The following STK3 variants were observed in gnomAD, a reference collection of about 807,000 sequenced individuals.
STK3 encodes serine/threonine-protein kinase 3.
STK3 carries 41 observed loss-of-function variants against 58.0 expected under a neutral mutation model. That is an observed-to-expected ratio of 0.71 (90% CI 0.55 to 0.92). STK3 has a LOEUF of 0.92. STK3 is among the 40% of genes least tolerant of loss of function. The pLI is 0.00. For missense variants in STK3, 479 were observed against 602.7 expected, an observed-to-expected ratio of 0.79 and a Z score of 2.15; for synonymous variants, 170 against 191.0, an observed-to-expected ratio of 0.89 and a Z score of 0.91.
intron 3 of STK3, among the ~76,000 whole-genome samples, chr8:98,763,668 CTTTTTCTTTTT>C (rs945433062): frequency 4.6e-5 from 7 of 151,304 alleles, no homozygotes; most frequent in African/African-American, 7.3e-5. Flanking sequence ...AATTGTTTTT[CTTTTTCTTTTT>C]TTTTTCTTTT....
At chr8:98,664,949 A>G (rs1822228968) in intron 6 of STK3, among the ~76,000 whole-genome samples, 1 of 152,150 alleles carries the variant, frequency 6.6e-6, no homozygotes, top group Non-Finnish European at 1.5e-5. Flanking sequence ...TTTAACTAAA[A>G]ACAGTCTTAG....
intron 6 of STK3, among the ~76,000 whole-genome samples, chr8:98,681,689 T>C (rs1823655811): frequency 6.6e-6 from 1 of 152,200 alleles, no homozygotes; most frequent in South Asian, 2.1e-4. Context: ...ATATAACTAT[T>C]TTACAGTAAA....
intron 6 of STK3, among the ~76,000 whole-genome samples, chr8:98,601,012 T>C (rs1816300806): frequency 6.6e-6 from 1 of 152,164 alleles, no homozygotes; most frequent in East Asian, 1.9e-4. Flanking sequence ...AATTTATTTT[T>C]ACTATGATGG....
In STK3 at chr8:98,442,694, C is replaced by T. The variant is rs1160090827; in HGVS notation, n.186-5486G>A. Among the ~76,000 whole-genome samples the T allele has an allele frequency of 4.6e-5, 7 of 152,130 alleles. No homozygotes were observed. The East Asian group carries it at 1.3e-3, about 29-fold the overall frequency. The stretch of plus-strand genomic sequence containing the variant: ...TGGTAGCTGTTGGTCTGTCATTCAC[C>T]CTTGATTTTTGCATTGTAATTGCAC... On this transcript the variant is annotated intron_variant and non_coding_transcript_variant, in intron 1 of 3. Transcript: ENST00000517832.
chr8:98,927,091 T>C (rs1460017278), intron 1 of STK3, among the ~76,000 whole-genome samples: 3 of 152,192 alleles, frequency 2.0e-5, no homozygotes, highest in Non-Finnish European at 4.4e-5. Context: ...GATATCTAGA[T>C]GGGCGCAGTT....
chr8:98,578,341 A>C (rs1239872412), intron 8 of STK3, among the ~76,000 whole-genome samples: 1 of 152,238 alleles, frequency 6.6e-6, no homozygotes, highest in Non-Finnish European at 1.5e-5. Context: ...CACTATTTAA[A>C]ATTCTAAGTA....
At chr8:98,620,471 AAAATAAAT>A (rs890531582) in intron 6 of STK3, among the ~76,000 whole-genome samples, 22 of 148,198 alleles carry the variant, frequency 1.5e-4, no homozygotes, top group South Asian at 4.2e-4. Flanking sequence ...TATAATAAAA[AAAATAAAT>A]AAATAAATAA....
At chr8:98,909,586 C>G (rs1234766906) in intron 1 of STK3, among the ~76,000 whole-genome samples, 1 of 152,234 alleles carries the variant, frequency 6.6e-6, no homozygotes, top group Non-Finnish European at 1.5e-5. Flanking sequence ...TCTGGACTTT[C>G]ATACAAATTG....
At chr8:98,930,715 G>C (rs1322309485) in intron 1 of STK3, among the ~76,000 whole-genome samples, 1 of 152,130 alleles carries the variant, frequency 6.6e-6, no homozygotes, top group Non-Finnish European at 1.5e-5. Flanking sequence ...TCTGGCAGCC[G>C]GTTCACTGTT....
At chr8:98,459,388 A>G (rs368702624) in intron 10 of STK3, among the ~76,000 whole-genome samples, 44 of 152,334 alleles carry the variant, frequency 2.9e-4, no homozygotes, top group African/African-American at 9.6e-4. Flanking sequence ...TCACAAATAG[A>G]TGGTTTGAAA....
chr8:98,497,970 A>C (rs754202084), intron 10 of STK3, among the ~76,000 whole-genome samples: 3 of 152,184 alleles, frequency 2.0e-5, no homozygotes, highest in Non-Finnish European at 4.4e-5. Context: ...GTCCACACAA[A>C]AACTTGTACA....
chr8:98,443,913 G>A (rs1205033283), intron 1 of STK3, among the ~76,000 whole-genome samples: 2 of 152,200 alleles, frequency 1.3e-5, no homozygotes, highest in African/African-American at 4.8e-5. Context: ...GCAAGACTAT[G>A]TCTCTAAATA....
At chr8:98,347,534 C>A in the STK3 span, among the ~76,000 whole-genome samples, 282 of 146,364 alleles carry the variant, frequency 1.9e-3, 1 homozygote, top group African/African-American at 5.2e-3. Flanking sequence ...CAAAAAAAAC[C>A]AAAAAAAACC....
intron 6 of STK3, among the ~76,000 whole-genome samples, chr8:98,697,777 G>C (rs1413713436): frequency 6.6e-6 from 1 of 150,704 alleles, no homozygotes; most frequent in Non-Finnish European, 1.5e-5. Context: ...TTTACTTCCT[G>C]TTCCAAAATG....
intron 6 of STK3, among the ~76,000 whole-genome samples, chr8:98,700,171 A>C (rs577726281): frequency 2.6e-5 from 4 of 152,248 alleles, no homozygotes; most frequent in Admixed American, 6.5e-5. Flanking sequence ...CTCTGATCCA[A>C]GTGCGGGATA....
chr8:98,637,118 A>C lies in STK3; in HGVS notation c.685-40949T>G, dbSNP rs544104482. ...CATAATAAATTTCAAAATGAAAACC[A>C]ATGTTTTTTTACAGAGGAAAAATGC... On this transcript the variant is annotated intron_variant, in intron 6 of 10. Coordinates refer to ENST00000419617, the MANE Select transcript of STK3 (RefSeq NM_006281.4). Among the ~76,000 whole-genome samples the C allele has an allele frequency of 4.6e-5, 7 of 151,774 alleles. No individual in the cohort carries two copies. The South Asian group carries it at 1.5e-3, about 32-fold the overall frequency.
intron 7 of STK3, chr8:98,595,258 A>T (rs896424225): frequency 1.7e-4 from 25 of 147,902 alleles, no homozygotes; most frequent in Admixed American, 1.7e-3. Context: ...CCCTCAATAC[A>T]TCCTTTTGGA....
chr8:98,834,361 T>C (rs771136536), intron 3 of STK3, among the ~76,000 whole-genome samples: 12 of 152,212 alleles, frequency 7.9e-5, no homozygotes, highest in Non-Finnish European at 1.5e-5. Context: ...TCTCTACTTA[T>C]ATTAATTTTG....
At chr8:98,527,203 A>C (rs943575577) in intron 9 of STK3, among the ~76,000 whole-genome samples, 3 of 152,194 alleles carry the variant, frequency 2.0e-5, no homozygotes, top group Admixed American at 2.0e-4. Flanking sequence ...ATTAAAAATC[A>C]TTTCAGCTTT....
Sources: gnomAD v4.1 joint callset for allele counts (sites outside exome capture counted in the v4.1 genomes callset) on GRCh38, gnomAD v4.1.1 for gene constraint, MANE v1.5 for transcripts, NCBI Gene and HGNC (gene_info 2026-07-23, HGNC 2026-07-21) for gene names.